Variants in NPAS3 observed in about 807,000 individuals in gnomAD.
NPAS3 encodes the protein neuronal PAS domain-containing protein 3.
In NPAS3, 14 loss-of-function variants were observed where a neutral mutation model predicts 73.1. That is an observed-to-expected ratio of 0.19 (90% CI 0.13 to 0.30). NPAS3 has a LOEUF of 0.30. Among genes scored for constraint, NPAS3 ranks in the 10% least tolerant of loss-of-function variants. The pLI, the probability that NPAS3 is intolerant of heterozygous loss-of-function variation, is 1.00. For synonymous variants in NPAS3, 620 were observed against 541.5 expected, an observed-to-expected ratio of 1.14 and a Z score of -2.01; for missense variants, 1,096 against 1,250.0, an observed-to-expected ratio of 0.88 and a Z score of 1.86.
intron 4 of NPAS3, among the ~76,000 whole-genome samples, chr14:33,531,107 G>A (rs1348919771): frequency 6.6e-6 from 1 of 151,950 alleles, no homozygotes; most frequent in Non-Finnish European, 1.5e-5. Context: ...TCTTTTGGTT[G>A]GAAGGTCCAA....
chr14:33,357,578 T>C (rs2045394922), intron 3 of NPAS3, among the ~76,000 whole-genome samples: 1 of 152,248 alleles, frequency 6.6e-6, no homozygotes, highest in South Asian at 2.1e-4. Flanking sequence ...TGGACCGGCC[T>C]CTGCTTTTCA....
chr14:33,152,920 C>T (rs917491136), intron 2 of NPAS3, among the ~76,000 whole-genome samples: 19 of 151,502 alleles, frequency 1.3e-4, no homozygotes, highest in Middle Eastern at 3.4e-3. Context: ...CATTTTGGTG[C>T]TCTGGTTTCG....
At chr14:33,127,455 G>A (rs1358899631) in intron 2 of NPAS3, among the ~76,000 whole-genome samples, 1 of 151,978 alleles carries the variant, frequency 6.6e-6, no homozygotes, top group East Asian at 1.9e-4. Context: ...TGCATTTCCG[G>A]CATAAAACCA....
chr14:33,210,783 T>C (rs2047002144), intron 2 of NPAS3, among the ~76,000 whole-genome samples: 1 of 152,156 alleles, frequency 6.6e-6, no homozygotes, highest in Non-Finnish European at 1.5e-5. Context: ...AAAAGGCTCC[T>C]TATGATCCTG....
intron 5 of NPAS3, among the ~76,000 whole-genome samples, chr14:33,631,875 G>A (rs1030594120): frequency 7.9e-5 from 12 of 152,196 alleles, no homozygotes; most frequent in African/African-American, 2.2e-4. Flanking sequence ...ATACATTTGC[G>A]TTTGGGCAGT....
At chr14:33,330,142 C>G (rs987432640) in intron 3 of NPAS3, among the ~76,000 whole-genome samples, 1 of 151,874 alleles carries the variant, frequency 6.6e-6, no homozygotes, top group Non-Finnish European at 1.5e-5. Flanking sequence ...ATTCGAGAGG[C>G]CAAGGAGGGA....
intron 5 of NPAS3, among the ~76,000 whole-genome samples, chr14:33,623,877 C>T (rs539430983): frequency 7.2e-5 from 11 of 152,174 alleles, no homozygotes; most frequent in Non-Finnish European, 1.6e-4. Context: ...TGATAATAAA[C>T]CTCATGTTTC....
At chr14:33,801,013 G>A in exon 12 of NPAS3, 1 of 1,589,728 alleles carries the variant, frequency 6.3e-7, no homozygotes, top group Non-Finnish European at 8.6e-7. Flanking sequence ...CCGGCAACGT[G>A]TTCACCACGG....
intron 4 of NPAS3, among the ~76,000 whole-genome samples, chr14:33,415,853 T>C (rs767705896): frequency 6.6e-5 from 10 of 152,122 alleles, no homozygotes; most frequent in Non-Finnish European, 1.3e-4. Context: ...TTTAGAACAG[T>C]TCCCTCGATT....
intron 7 of NPAS3, among the ~76,000 whole-genome samples, chr14:33,748,399 C>T (rs571857170): frequency 4.5e-4 from 68 of 152,224 alleles, no homozygotes; most frequent in Admixed American, 8.5e-4. Context: ...TAAAAATCAA[C>T]GTGTATTTAA....
chr14:33,722,129 C>T (rs972578112), intron 6 of NPAS3, among the ~76,000 whole-genome samples: 10 of 152,256 alleles, frequency 6.6e-5, no homozygotes, highest in Admixed American at 6.5e-4. Flanking sequence ...TAGAATATAC[C>T]ATTTAGACCC....
intron 1 of NPAS3, among the ~76,000 whole-genome samples, chr14:32,993,149 C>CAAA (rs538579532): frequency 9.9e-4 from 91 of 92,098 alleles, no homozygotes; most frequent in Middle Eastern, 6.1e-3. Flanking sequence ...AACTTCGTCT[C>CAAA]AAAAAAAAAA....
intron 2 of NPAS3, among the ~76,000 whole-genome samples, chr14:33,148,867 G>A (rs1053904797): frequency 6.6e-6 from 1 of 151,886 alleles, no homozygotes; most frequent in Admixed American, 6.6e-5. Flanking sequence ...TTAATTTTTT[G>A]GTTGAGATGG....
chr14:33,800,261 A>T lies in NPAS3; in HGVS notation c.1954A>T (p.Ile652Phe), dbSNP rs770954565. ...CTCGGTGCTCAAGATCAAGACGGAGATCTCAGAACCCATCAATTTCGACAA... is the reference window on the plus strand; with the variant it reads ...CTCGGTGCTCAAGATCAAGACGGAGTTCTCAGAACCCATCAATTTCGACAA... Residue 652 changes from isoleucine to phenylalanine, a missense_variant, in exon 12 of 12, where the codon ATC becomes TTC. Coordinates refer to ENST00000356141, the Ensembl canonical transcript of NPAS3. The surrounding 1 kb of genome is among the most constrained non-coding windows in gnomAD (Gnocchi z 6.5). 6.2e-7 allele frequency: 1 copy of T among 1,613,290 alleles called. No homozygotes were observed. Among genetic ancestry groups the T allele is most frequent in the Non-Finnish European group, 8.5e-7 (1 of 1,179,640 alleles).
chr14:33,176,831 T>C (rs76694417), intron 2 of NPAS3, among the ~76,000 whole-genome samples: 8,248 of 152,188 alleles, frequency 0.054, 327 homozygotes, highest in South Asian at 0.1. Context: ...TTTATATTTC[T>C]ACCAGCAATG....
intron 1 of NPAS3, 44 bp downstream of exon 1, chr14:32,939,410 C>A (rs529698941): frequency 6.1e-5 from 36 of 592,282 alleles, no homozygotes; most frequent in African/African-American, 5.0e-4. Context: ...GGCCGCTGCT[C>A]CCGCCGCCGC....
intron 1 of NPAS3, among the ~76,000 whole-genome samples, chr14:32,994,879 G>C (rs567863353): frequency 6.6e-6 from 1 of 152,248 alleles, no homozygotes; most frequent in East Asian, 1.9e-4. Flanking sequence ...TGATCCACCC[G>C]CCTTGGCCTT....
chr14:33,299,660 T>C (rs2042448055), intron 3 of NPAS3, among the ~76,000 whole-genome samples: 1 of 152,142 alleles, frequency 6.6e-6, no homozygotes, highest in Non-Finnish European at 1.5e-5. Flanking sequence ...TTGTGCTGAG[T>C]TGGAACCTCT....
chr14:33,259,514 A>G (rs2048895710), intron 3 of NPAS3, among the ~76,000 whole-genome samples: 1 of 152,258 alleles, frequency 6.6e-6, no homozygotes, highest in Non-Finnish European at 1.5e-5. Context: ...TAAAATAAAC[A>G]AAACATAAGC....
Sources: gnomAD v4.1 joint callset for allele counts (sites outside exome capture counted in the v4.1 genomes callset) on GRCh38, gnomAD v4.1.1 for gene constraint, Gnocchi (gnomAD v3.1) non-coding constraint, MANE v1.5 for transcripts, NCBI Gene and HGNC (gene_info 2026-07-23, HGNC 2026-07-21) for gene names.